The following TLK1 variants were observed in gnomAD, a reference collection of about 807,000 sequenced individuals.
TLK1 encodes the protein tousled like kinase 1.
Under a neutral mutation model 105.3 loss-of-function variants are expected in TLK1, and 24 were observed. The observed-to-expected ratio is 0.23, with a 90% CI of 0.17 to 0.32. The LOEUF is 0.32. TLK1 is among the 10% of genes least tolerant of loss of function. The pLI, the probability that TLK1 is intolerant of heterozygous loss-of-function variation, is 1.00. For synonymous variants in TLK1, 321 were observed against 310.4 expected (o/e 1.03, Z -0.36); for missense variants, 558 against 910.5 (o/e 0.61, Z 4.98).
chr2:171,130,428 A>G (rs1289416388), intron 1 of TLK1, among the ~76,000 whole-genome samples: 5 of 152,114 alleles, frequency 3.3e-5, no homozygotes, highest in Non-Finnish European at 7.4e-5. Flanking sequence ...GGTAATGACT[A>G]TGTCCATCAC....
At chr2:171,176,104 A>G (rs78090355) in intron 1 of TLK1, among the ~76,000 whole-genome samples, 1 of 151,556 alleles carries the variant, frequency 6.6e-6, no homozygotes, top group East Asian at 1.9e-4. Context: ...GCCCTGCTAA[A>G]TTTTTTTGTA....
intron 11 of TLK1, among the ~76,000 whole-genome samples, chr2:171,036,734 C>G (rs978353863): frequency 6.6e-6 from 1 of 152,136 alleles, no homozygotes; most frequent in Non-Finnish European, 1.5e-5. Flanking sequence ...GTGGATTATA[C>G]CCCAAGTCTC....
At chr2:171,015,852 G>A (rs1224483934) in intron 12 of TLK1, among the ~76,000 whole-genome samples, 1 of 152,024 alleles carries the variant, frequency 6.6e-6, no homozygotes, top group Admixed American at 6.5e-5. Flanking sequence ...GCTGTGGCGG[G>A]CGGATCACCT....
intron 2 of TLK1, among the ~76,000 whole-genome samples, chr2:171,085,436 G>T (rs1174662743): frequency 6.6e-6 from 1 of 151,612 alleles, no homozygotes; most frequent in African/African-American, 2.4e-5. Context: ...TCAGTTGTCA[G>T]TCTCTTGTTG....
intron 2 of TLK1, among the ~76,000 whole-genome samples, chr2:171,083,527 A>T (rs2105478413): frequency 6.6e-6 from 1 of 152,286 alleles, no homozygotes; most frequent in South Asian, 2.1e-4. Context: ...TTTTTGTACC[A>T]TCAGTACATC....
At chr2:171,006,090 T>C (rs1684639755) in intron 18 of TLK1, 57 bp downstream of exon 18, 14 of 1,433,282 alleles carry the variant, frequency 9.8e-6, no homozygotes, top group Non-Finnish European at 1.0e-5. Context: ...CACTAAATTA[T>C]TATAAAAGCA....
chr2:171,066,309 T>C (rs906694752), intron 3 of TLK1, among the ~76,000 whole-genome samples: 1 of 152,230 alleles, frequency 6.6e-6, no homozygotes, highest in African/African-American at 2.4e-5. Flanking sequence ...AAAATCATCA[T>C]ATCAGCAATT....
chr2:171,056,693 A>T, intron 5 of TLK1, 127 bp from the exon 6 acceptor site: 1 of 589,742 alleles, frequency 1.7e-6, no homozygotes, highest in Non-Finnish European at 2.7e-6. Context: ...AAATGGGTCC[A>T]GAACAAAAAA....
chr2:171,022,751 C>T (rs1039763362), intron 12 of TLK1: 3 of 174,282 alleles, frequency 1.7e-5, no homozygotes, highest in African/African-American at 7.2e-5. Flanking sequence ...AAAAATGTCA[C>T]ATATGCAAAC....
chr2:171,146,797 TCTC>T (rs1292937146), intron 1 of TLK1, among the ~76,000 whole-genome samples: 1 of 152,156 alleles, frequency 6.6e-6, no homozygotes, highest in African/African-American at 2.4e-5. Context: ...CCTTCCCACT[TCTC>T]CTTTTTAGAA....
chr2:171,158,138 G>C (rs1346833390), intron 1 of TLK1, among the ~76,000 whole-genome samples: 2 of 152,170 alleles, frequency 1.3e-5, no homozygotes, highest in African/African-American at 4.8e-5. Context: ...TGAAATCTGA[G>C]AACACATCGC....
intron 18 of TLK1, among the ~76,000 whole-genome samples, chr2:170,999,694 T>G (rs1248842198): frequency 6.6e-6 from 1 of 152,208 alleles, no homozygotes; most frequent in Non-Finnish European, 1.5e-5. Context: ...TCAAATACAG[T>G]TGACCCTTGA....
chr2:171,048,613 T>C (rs1222499709), intron 10 of TLK1, among the ~76,000 whole-genome samples: 2 of 31,822 alleles, frequency 6.3e-5, no homozygotes, highest in Non-Finnish European at 2.2e-4. Context: ...CAAGTCCCAT[T>C]ATCTGCAGAA....
At chr2:171,083,793 G>A (rs1254935125) in intron 2 of TLK1, among the ~76,000 whole-genome samples, 1 of 152,088 alleles carries the variant, frequency 6.6e-6, no homozygotes, top group Non-Finnish European at 1.5e-5. Flanking sequence ...GTACTATGCT[G>A]GATACTGTAA....
At chr2:171,038,399 G>T (rs1342903494) in intron 11 of TLK1, among the ~76,000 whole-genome samples, 1 of 151,990 alleles carries the variant, frequency 6.6e-6, no homozygotes, top group Non-Finnish European at 1.5e-5. Context: ...TGAAATAGAT[G>T]ATTAGTTTCT....
intron 1 of TLK1, among the ~76,000 whole-genome samples, chr2:171,211,165 C>T (rs573269325): frequency 1.3e-5 from 2 of 152,200 alleles, no homozygotes; most frequent in Non-Finnish European, 2.9e-5. Flanking sequence ...ATTCAGAGAC[C>T]TCGAATCCTA....
chr2:171,091,906 G>C (rs548391905), intron 2 of TLK1: 1 of 152,234 alleles, frequency 6.6e-6, no homozygotes, highest in Admixed American at 6.5e-5. Context: ...CACCGCGCCC[G>C]GCTAATTTTT....
chr2:171,213,697 G>C (rs113731561), intron 1 of TLK1, among the ~76,000 whole-genome samples: 1,534 of 148,838 alleles, frequency 0.01, 30 homozygotes, highest in African/African-American at 0.036. Flanking sequence ...GGCTGAGGTG[G>C]GAGGATCACT....
intron 11 of TLK1, among the ~76,000 whole-genome samples, chr2:171,043,373 G>A (rs1686784037): frequency 6.6e-6 from 1 of 152,146 alleles, no homozygotes; most frequent in Non-Finnish European, 1.5e-5. Flanking sequence ...ACTGAGTGAT[G>A]GCAACAATGA....
Sources: gnomAD v4.1 joint callset for allele counts (sites outside exome capture counted in the v4.1 genomes callset) on GRCh38, gnomAD v4.1.1 for gene constraint, MANE v1.5 for transcripts, NCBI Gene and HGNC (gene_info 2026-07-23, HGNC 2026-07-21) for gene names.